CHRM5: variants seen among roughly 807,000 people sequenced by gnomAD.
CHRM5 encodes cholinergic receptor muscarinic 5.
CHRM5 carries 18 observed loss-of-function variants against 39.0 expected under a neutral mutation model. The ratio of observed to expected loss-of-function variants is 0.46; its 90% confidence interval spans 0.32 to 0.68. CHRM5 has a LOEUF of 0.68. CHRM5 is among the 30% of genes least tolerant of loss of function. CHRM5 has a pLI of 0.04. For synonymous variants in CHRM5, 241 were observed against 246.3 expected, an observed-to-expected ratio of 0.98 and a Z score of 0.20; for missense variants, 515 against 651.1, an observed-to-expected ratio of 0.79 and a Z score of 2.28.
chr15:34,007,063 G>A (rs972301609), intron 1 of CHRM5: 7 of 984,406 alleles, frequency 7.1e-6, no homozygotes, highest in Non-Finnish European at 8.4e-6. Flanking sequence ...ATCGGTCACT[G>A]GTTGCATTGT....
rs890455068 is a variant in CHRM5 at position 34,066,337 on chromosome 15, T to G, written c.*2021T>G. On this transcript the variant is annotated 3_prime_UTR_variant, in exon 3 of 3. Coordinates refer to ENST00000383263, the MANE Select transcript of CHRM5 (RefSeq NM_012125.4). ...CCTGATAAAGATGAAAACCCCTTCA[T>G]GAGAATAGGCTTTTAAGCCCATGTT... 2 of 152,258 alleles carry G rather than the reference T, an allele frequency of 1.3e-5. No homozygotes were observed. The highest frequency in any genetic ancestry group is 2.4e-5 in the African/African-American group (1 of 41,478). 9.4% of individuals were successfully genotyped at this position (152,258 alleles called of 1,614,324 possible).
At chr15:33,972,907 C>T (rs1016459076) in intron 1 of CHRM5, among the ~76,000 whole-genome samples, 5 of 152,306 alleles carry the variant, frequency 3.3e-5, no homozygotes, top group Admixed American at 2.0e-4. Context: ...AACTACTCCA[C>T]GCATAATTAC....
intron 1 of CHRM5, among the ~76,000 whole-genome samples, chr15:33,998,667 T>C (rs1897026883): frequency 6.6e-6 from 1 of 152,178 alleles, no homozygotes; most frequent in South Asian, 2.1e-4. Flanking sequence ...AGATCACCAA[T>C]AACCTTCCTG....
In CHRM5 at chr15:34,063,904, G is replaced by A; in HGVS notation, c.1187G>A (p.Gly396Asp). ...KADGNQETNN[G>D]CHKVKIMPCP... ...GACGGGAACCAGGAGACCAACAATGGCTGTCACAAGGTGAAAATCATGCCC... is the reference window on the plus strand; with the variant it reads ...GACGGGAACCAGGAGACCAACAATGACTGTCACAAGGTGAAAATCATGCCC... Residue 396 changes from glycine to aspartate, a missense_variant, in exon 3 of 3, where the codon GGC (glycine) becomes GAC (aspartate). Coordinates refer to ENST00000383263, the MANE Select transcript of CHRM5 (RefSeq NM_012125.4). The surrounding 1 kb of genome is among the most constrained non-coding windows in gnomAD (Gnocchi z 4.1). The A allele has an allele frequency of 6.2e-7, 1 of 1,614,182 alleles. No individual in the cohort carries two copies. Among genetic ancestry groups the A allele is most frequent in the Non-Finnish European group, 8.5e-7 (1 of 1,180,040 alleles).
intron 1 of CHRM5, among the ~76,000 whole-genome samples, chr15:33,996,937 C>T (rs989743079): frequency 3.9e-5 from 6 of 152,116 alleles, no homozygotes; most frequent in South Asian, 2.1e-4. Context: ...TCGAACCCAT[C>T]GCAAGGAAGC....
intron 2 of CHRM5, among the ~76,000 whole-genome samples, chr15:34,049,335 G>C (rs188975712): frequency 1.3e-5 from 2 of 152,322 alleles, no homozygotes; most frequent in African/African-American, 4.8e-5. Flanking sequence ...CTGACAGCCA[G>C]AGTAGCCAGT....
intron 1 of CHRM5, among the ~76,000 whole-genome samples, chr15:34,037,379 G>A (rs1024000707): frequency 1.3e-5 from 2 of 151,756 alleles, no homozygotes; most frequent in Admixed American, 1.3e-4. Flanking sequence ...TTGACTCAAG[G>A]GCAGCTTGAT....
chr15:34,039,083 G>A (rs1899333208), intron 1 of CHRM5: 16 of 1,079,732 alleles, frequency 1.5e-5, no homozygotes, highest in Non-Finnish European at 1.8e-5. Context: ...CGCGGGAGCC[G>A]AGCTGCGGCG....
intron 1 of CHRM5, among the ~76,000 whole-genome samples, chr15:34,031,168 AT>A (rs34414446): frequency 2.2e-4 from 15 of 67,600 alleles, no homozygotes; most frequent in Middle Eastern, 0.018. Flanking sequence ...GCTTAGGTTA[AT>A]TTTTTTTTTT....
chr15:34,012,793 G>A (rs1453594635), intron 1 of CHRM5, among the ~76,000 whole-genome samples: 1 of 152,124 alleles, frequency 6.6e-6, no homozygotes, highest in Non-Finnish European at 1.5e-5. Flanking sequence ...ACCTAGATAG[G>A]TCAAGCCTCT....
At chr15:34,018,064 T>C (rs1898024792) in intron 1 of CHRM5, among the ~76,000 whole-genome samples, 1 of 152,228 alleles carries the variant, frequency 6.6e-6, no homozygotes, top group African/African-American at 2.4e-5. Context: ...GTATTTACTA[T>C]ATTATACTTT....
chr15:33,972,500 G>C (rs1052200899), intron 1 of CHRM5: 1 of 36,244 alleles, frequency 2.8e-5, no homozygotes, highest in African/African-American at 7.8e-5. Context: ...GCATGGATTT[G>C]TTAAAAAACA....
intron 2 of CHRM5, among the ~76,000 whole-genome samples, chr15:34,057,114 A>T (rs1216404460): frequency 6.7e-6 from 1 of 148,460 alleles, no homozygotes; most frequent in Non-Finnish European, 1.5e-5. Flanking sequence ...GCTCATTCCT[A>T]CCAGGAGAAG....
intron 1 of CHRM5, chr15:33,972,080 G>C (rs984036761): frequency 2.0e-5 from 3 of 152,030 alleles, no homozygotes; most frequent in African/African-American, 7.2e-5. Context: ...TGCTTTTATT[G>C]CATTTGTCAC....
At chr15:33,977,041 T>C (rs1895915809) in intron 1 of CHRM5, among the ~76,000 whole-genome samples, 1 of 152,198 alleles carries the variant, frequency 6.6e-6, no homozygotes, top group South Asian at 2.1e-4. Context: ...CATGAATTAG[T>C]TATGGCAAGG....
At chr15:34,057,529 G>T (rs910147888) in intron 2 of CHRM5, among the ~76,000 whole-genome samples, 1 of 152,074 alleles carries the variant, frequency 6.6e-6, no homozygotes, top group Non-Finnish European at 1.5e-5. Context: ...ATACAACATG[G>T]GTTATCTCAT....
intron 1 of CHRM5, among the ~76,000 whole-genome samples, chr15:34,035,811 T>C (rs1186967818): frequency 6.6e-5 from 10 of 151,626 alleles, no homozygotes; most frequent in Admixed American, 3.9e-4. Context: ...AGTTAGTTAT[T>C]TGAGACAGAG....
chr15:33,987,845 G>A (rs640291), intron 1 of CHRM5, among the ~76,000 whole-genome samples: 142,382 of 152,184 alleles, frequency 0.94, 67,203 homozygotes, highest in Non-Finnish European at 1. Context: ...ATCACACCCT[G>A]GATGCCTAGG....
intron 1 of CHRM5, among the ~76,000 whole-genome samples, chr15:34,033,055 A>G (rs542520550): frequency 6.6e-6 from 1 of 152,314 alleles, no homozygotes; most frequent in South Asian, 2.1e-4. Flanking sequence ...TTATGTGAAC[A>G]ATGTTTCTCA....
Sources: gnomAD v4.1 joint callset for allele counts (sites outside exome capture counted in the v4.1 genomes callset) on GRCh38, gnomAD v4.1.1 for gene constraint, Gnocchi (gnomAD v3.1) non-coding constraint, MANE v1.5 for transcripts, NCBI Gene and HGNC (gene_info 2026-07-23, HGNC 2026-07-21) for gene names.